QTRT2: variants seen among roughly 807,000 people sequenced by gnomAD.
QTRT2 encodes queuine tRNA-ribosyltransferase domain containing 1.
QTRT2 carries 32 observed loss-of-function variants against 44.8 expected under a neutral mutation model. The ratio of observed to expected loss-of-function variants is 0.71; its 90% CI spans 0.54 to 0.96. The LOEUF (loss-of-function observed/expected upper bound fraction) is 0.96, where lower values mean the gene tolerates loss of function less well. Among genes scored for constraint, QTRT2 ranks in the 40% least tolerant of loss-of-function variants. The probability of loss-of-function intolerance (pLI) is 0.00; values close to 1 mark genes in which losing one functional copy is unlikely to be tolerated. For synonymous variants in QTRT2, 182 were observed against 187.4 expected (o/e 0.97, Z 0.24); for missense variants, 461 against 503.1 (o/e 0.92, Z 0.80).
In QTRT2 at chr3:114,065,407, G is replaced by A; in HGVS notation, c.150G>A (p.Leu50=). ...CCCCACACCTCACCCATCACACGCTGCATAATATCCACGGGGTTCCTGCCA... is the reference window on the plus strand; with the variant it reads ...CCCCACACCTCACCCATCACACGCTACATAATATCCACGGGGTTCCTGCCA... ...GSAPHLTHHT[L]HNIHGVPAMA... Residue 50 remains leucine (L), a synonymous_variant, in exon 3 of 10, where the codon CTG becomes CTA. Transcript: ENST00000281273. 3.1e-6 allele frequency: 5 copies of A among 1,614,104 alleles called. No individual in the cohort carries two copies. The South Asian group carries it at 5.5e-5, about 18-fold the overall frequency.
Position 114,076,828 on chromosome 3 carries a change from A to G in QTRT2, c.632A>G (p.Lys211Arg), listed in dbSNP as rs543849769. 5 of 1,614,218 alleles carry G rather than the reference A, an allele frequency of 3.1e-6. No individual in the cohort carries two copies. Among genetic ancestry groups the G allele is most frequent in the East Asian group, 2.2e-5 (1 of 44,882 alleles). ...CTGAGGTCAGCACGAGAGACAGCCA[A>G]GCGGCCTGTGGGTGGCTTCCTTCTG... ...ERLRSARETA[K>R]RPVGGFLLDG... Residue 211 changes from lysine (K) to arginine (R), a missense_variant, in exon 7 of 10, where the codon AAG becomes AGG. Physicochemically the swap from Lys to Arg is conservative, Grantham distance 26 (BLOSUM62 2). Transcript: ENST00000281273.
rs1214538851 is a variant in QTRT2, at chr3:114,087,014, G to A, written c.*1110G>A. On this transcript the variant is annotated 3_prime_UTR_variant, in exon 10 of 10. Coordinates refer to ENST00000281273, the MANE Select transcript of QTRT2 (RefSeq NM_024638.4). ...GGTTTGGCCTGTGGGTTTTTAAGTG[G>A]TTATTGAATTGGTATCAGGAGATCC... 1 of 152,172 alleles carries A rather than the reference G, an allele frequency of 6.6e-6. No homozygotes were observed. Among genetic ancestry groups the A allele is most frequent in the Non-Finnish European group, 1.5e-5 (1 of 68,034 alleles). The allele number at this position is 152,172 out of a possible 1,614,324, so 9.4% of individuals were successfully genotyped here.
At chr3:114,063,636 T>G (rs1334790173) in intron 2 of QTRT2, among the ~76,000 whole-genome samples, 1 of 152,156 alleles carries the variant, frequency 6.6e-6, no homozygotes, top group Non-Finnish European at 1.5e-5. Flanking sequence ...CAGGCTTTCA[T>G]CAAACACTTA....
At chr3:114,070,244 A>G (rs1000030638) in intron 5 of QTRT2, among the ~76,000 whole-genome samples, 1 of 152,240 alleles carries the variant, frequency 6.6e-6, no homozygotes, top group African/African-American at 2.4e-5. Context: ...CATGTACCCC[A>G]TAACATTATA....
chr3:114,058,085 TAATG>T (rs1300416913), intron 2 of QTRT2, among the ~76,000 whole-genome samples: 10 of 152,356 alleles, frequency 6.6e-5, no homozygotes, highest in African/African-American at 1.9e-4. Flanking sequence ...ATGCAGATAA[TAATG>T]GTATCTATAT....
chr3:114,062,937 G>A (rs746752504), intron 2 of QTRT2, among the ~76,000 whole-genome samples: 2 of 152,214 alleles, frequency 1.3e-5, no homozygotes, highest in Non-Finnish European at 2.9e-5. Flanking sequence ...AGATGAGAGA[G>A]TATTTTTGGA....
rs1392168581 is a variant in QTRT2, at chr3:114,087,209, T to C, written c.*1305T>C. On this transcript the variant is annotated 3_prime_UTR_variant, in exon 10 of 10. Transcript: ENST00000281273. ...TGTAGGGATAAGAAATACATTTGTT[T>C]TATACTTCTATGCTATATTTTGCTA... is the stretch of plus-strand genomic sequence containing the variant. The C allele has an allele frequency of 6.6e-6, 1 of 152,204 alleles. No homozygotes were observed. The highest frequency in any genetic ancestry group is 2.4e-5 in the African/African-American group (1 of 41,444). 9.4% of individuals were successfully genotyped at this position (152,204 alleles called of 1,614,324 possible).
At position 114,076,954 on chromosome 3, in the gene QTRT2, G is replaced by C; in HGVS notation, c.746+12G>C. ...GAGGACAAGCCAAGGCCAGTGTTCG[G>C]TTAGGACACAGGCTGGCCTCAAGGG... On this transcript the variant is annotated intron_variant, in intron 7 of 9. Coordinates refer to ENST00000281273, the MANE Select transcript of QTRT2 (RefSeq NM_024638.4). The C allele has an allele frequency of 6.2e-7, 1 of 1,612,950 alleles. No homozygotes were observed. Among genetic ancestry groups the C allele is most frequent in the Non-Finnish European group, 8.5e-7 (1 of 1,179,152 alleles).
At chr3:114,077,362 C>T (rs2077105037) in intron 7 of QTRT2, 1 of 167,170 alleles carries the variant, frequency 6.0e-6, no homozygotes, top group Admixed American at 5.7e-5. Flanking sequence ...GCTCCACCAA[C>T]AAGAACTTAA....
In QTRT2 at chr3:114,072,146, AT is replaced by A. The variant is rs892912293; in HGVS notation, c.546+1318del. Among the ~76,000 whole-genome samples the A allele has an allele frequency of 1.8e-4, 26 of 146,702 alleles. No homozygotes were observed. In the South Asian group the frequency reaches 3.5e-3, roughly 20 times the overall value. On this transcript the variant is annotated intron_variant, in intron 6 of 9. Transcript: ENST00000281273. Reference sequence around the variant, plus strand: ...GCTCATTTCATTCCATGTATCATTCATTTTTTTTTTCTTTTCTTTTGAGACA... The same window carrying A: ...GCTCATTTCATTCCATGTATCATTCATTTTTTTTTCTTTTCTTTTGAGACA...
chr3:114,086,090 A>G lies in QTRT2; in HGVS notation c.*186A>G, dbSNP rs768506068. ...GAAGAGATTTCCTCAAAAGACTTAA[A>G]TGACCTGGATTGATCAGAGAGAATT... is the stretch of plus-strand genomic sequence containing the variant. On this transcript the variant is annotated 3_prime_UTR_variant, in exon 10 of 10. Coordinates refer to ENST00000281273, the MANE Select transcript of QTRT2 (RefSeq NM_024638.4). 104 of 569,866 alleles carry G rather than the reference A, an allele frequency of 1.8e-4. No individual in the cohort carries two copies. The highest frequency in any genetic ancestry group is 2.7e-4 in the Non-Finnish European group (85 of 320,524). The allele number at this position is 569,866 out of a possible 1,614,324, so 35.3% of individuals were successfully genotyped here.
At chr3:114,067,477 G>A (rs536742271) in intron 4 of QTRT2, among the ~76,000 whole-genome samples, 4 of 152,192 alleles carry the variant, frequency 2.6e-5, no homozygotes, top group African/African-American at 7.2e-5. Flanking sequence ...AACTGTCATC[G>A]TGAATCAATG....
Position 114,070,821 on chromosome 3 carries a change from C to G in QTRT2, c.529C>G (p.Leu177Val). The G allele has an allele frequency of 6.2e-7, 1 of 1,613,814 alleles. No homozygotes were observed. Among genetic ancestry groups the G allele is most frequent in the South Asian group, 1.1e-5 (1 of 91,064 alleles). The change falls in exon 6 of 10, where the codon CTG (leucine) becomes GTG (valine). Residue 177 changes from leucine to valine, a missense_variant. Coordinates refer to ENST00000281273, the MANE Select transcript of QTRT2 (RefSeq NM_024638.4). ...SLLFLDNCLRLQEESEVLQKS... is the reference protein window; with the variant it reads ...SLLFLDNCLRVQEESEVLQKS... The stretch of plus-strand genomic sequence containing the variant: ...TCTTTTCTTGGATAACTGTCTGCGG[C>G]TGCAGGAAGAGTCAGAGGTAAGGCT...
At chr3:114,077,627 T>C (rs2077108493) in intron 7 of QTRT2, 1 of 152,348 alleles carries the variant, frequency 6.6e-6, no homozygotes, top group African/African-American at 2.4e-5. Flanking sequence ...TTTTCCTGCA[T>C]GTATATTAAG....
Position 114,076,737 on chromosome 3 carries a change from C to G in QTRT2, c.547-6C>G. ...GGTTAAAAACATATCATCCTTCTTACCTCAGGTTCTTCAGAAGAGTGTGAT... is the reference window on the plus strand; with the variant it reads ...GGTTAAAAACATATCATCCTTCTTAGCTCAGGTTCTTCAGAAGAGTGTGAT... On this transcript the variant is annotated splice_polypyrimidine_tract_variant and splice_region_variant and intron_variant, in intron 6 of 9. Coordinates refer to ENST00000281273, the MANE Select transcript of QTRT2 (RefSeq NM_024638.4). 1 of 1,613,648 alleles carries G rather than the reference C, an allele frequency of 6.2e-7. No homozygotes were observed. The highest frequency in any genetic ancestry group is 8.5e-7 in the Non-Finnish European group (1 of 1,179,554).
At chr3:114,083,337 G>C (rs1577551895) in intron 9 of QTRT2, among the ~76,000 whole-genome samples, 1 of 151,912 alleles carries the variant, frequency 6.6e-6, no homozygotes, top group African/African-American at 2.4e-5. Context: ...TGTTGTTGTT[G>C]TTGTTGTTGT....
At chr3:114,069,813 A>G (rs2107793366) in intron 5 of QTRT2, among the ~76,000 whole-genome samples, 1 of 152,300 alleles carries the variant, frequency 6.6e-6, no homozygotes, top group South Asian at 2.1e-4. Flanking sequence ...TCAAAGATAG[A>G]ATATTACTAA....
chr3:114,056,922 G>T, intron 1 of QTRT2, 58 bp downstream of exon 1: 1 of 1,522,132 alleles, frequency 6.6e-7, no homozygotes, highest in Non-Finnish European at 8.8e-7. Flanking sequence ...GAGTCACGTC[G>T]CGTCCAGACG....
At position 114,086,171 on chromosome 3, in the gene QTRT2, TAGTCAA is replaced by T. The variant is rs2077234769; in HGVS notation, c.*270_*275del. ...TTCTTTTAGTTGATAGAGATTCATT[TAGTCAA>T]AGACAAAAGCTTTAACTGTGAGGGC... is the stretch of plus-strand genomic sequence containing the variant. On this transcript the variant is annotated 3_prime_UTR_variant, in exon 10 of 10. Transcript: ENST00000281273. 1 of 401,420 alleles carries T rather than the reference TAGTCAA, an allele frequency of 2.5e-6. No homozygotes were observed. Among genetic ancestry groups the T allele is most frequent in the Non-Finnish European group, 4.7e-6 (1 of 213,048 alleles). 24.9% of individuals were successfully genotyped at this position (401,420 alleles called of 1,614,324 possible).
Sources: allele counts gnomAD v4.1 joint callset (sites outside exome capture counted in the v4.1 genomes callset), GRCh38; gene constraint gnomAD v4.1.1; transcripts MANE v1.5; gene names NCBI Gene and HGNC (gene_info 2026-07-23, HGNC 2026-07-21).